The following TXNDC11 variants were observed in gnomAD, a reference collection of about 807,000 sequenced individuals.
TXNDC11 encodes thioredoxin domain containing 11.
Under a neutral mutation model 78.0 loss-of-function variants are expected in TXNDC11, and 68 were observed. That is an observed-to-expected ratio of 0.87 (90% CI 0.72 to 1.07). The LOEUF (loss-of-function observed/expected upper bound fraction) is 1.07, where lower values mean the gene tolerates loss of function less well. Ranked by LOEUF, TXNDC11 falls within the 50% of genes least tolerant of loss-of-function variation. The probability of loss-of-function intolerance (pLI) is 0.00; values close to 1 mark genes in which losing one functional copy is unlikely to be tolerated. For synonymous variants in TXNDC11, 571 were observed against 495.2 expected (o/e 1.15, Z -2.03); for missense variants, 1,389 against 1,221.8 (o/e 1.14, Z -2.04).
intron 7 of TXNDC11, among the ~76,000 whole-genome samples, chr16:11,693,018 G>C (rs940520901): frequency 6.6e-6 from 1 of 152,152 alleles, no homozygotes; most frequent in Non-Finnish European, 1.5e-5. Context: ...GTGTCCCTGA[G>C]ACCCCTTCTA....
At chr16:11,701,635 T>C (rs1423243131) in intron 5 of TXNDC11, among the ~76,000 whole-genome samples, 1 of 151,918 alleles carries the variant, frequency 6.6e-6, no homozygotes, top group East Asian at 1.9e-4. Context: ...GAAAAGGAAA[T>C]ATGTATACAT....
rs962891016 is a variant in TXNDC11, at chr16:11,718,489, C to CT, written c.793+3087dup. ...CCTAGAATTTAATTTGAAACTGTATCTTTTTTTTTTAAATGTGCATGTGTT... is the reference window on the plus strand; with the variant it reads ...CCTAGAATTTAATTTGAAACTGTATCTTTTTTTTTTTAAATGTGCATGTGTT... On this transcript the variant is annotated intron_variant, in intron 5 of 11. Coordinates refer to ENST00000283033, the MANE Select transcript of TXNDC11 (RefSeq NM_015914.7). Among the ~76,000 whole-genome samples the CT allele has an allele frequency of 8.3e-4, 124 of 149,540 alleles. 1 individual carries two copies. In the East Asian group the frequency reaches 0.018, roughly 22 times the overall value.
chr16:11,738,342 A>G lies in TXNDC11; in HGVS notation c.255-2109T>C, dbSNP rs74585414. Among the ~76,000 whole-genome samples the G allele has an allele frequency of 5.3e-5, 8 of 152,370 alleles. No individual in the cohort carries two copies. The East Asian group carries it at 1.3e-3, about 26-fold the overall frequency. On this transcript the variant is annotated intron_variant, in intron 1 of 11. Transcript: ENST00000283033. ...CAGAATGCCTTCATAACCTGAAAAA[A>G]TCACTTACACAATTATTCAAAAATT...
At chr16:11,710,028 A>T (rs2051301130) in intron 5 of TXNDC11, among the ~76,000 whole-genome samples, 1 of 152,146 alleles carries the variant, frequency 6.6e-6, no homozygotes, top group Non-Finnish European at 1.5e-5. Context: ...CTGTAATCCC[A>T]GCTACTCGGG....
chr16:11,691,397 C>A lies in TXNDC11; in HGVS notation c.1793G>T (p.Gly598Val), dbSNP rs1239386675. The stretch of plus-strand genomic sequence containing the variant: ...TTTCACCTGAGTGGAGCTCGGAGCA[C>A]CCAGTCTCTCTGCATATAACCAAAA... ...NLFWLYAERL[G>V]APSSTQVKEF... Residue 598 changes from glycine to valine, a missense_variant, in exon 8 of 12, where the codon GGT (glycine) becomes GTT (valine). Transcript: ENST00000283033. The A allele has an allele frequency of 6.2e-7, 1 of 1,614,190 alleles. No homozygotes were observed. Among genetic ancestry groups the A allele is most frequent in the Admixed American group, 1.7e-5 (1 of 60,032 alleles).
rs149933607 is a variant in TXNDC11 at position 11,710,126 on chromosome 16, G to C, written c.794-9562C>G. Among the ~76,000 whole-genome samples, 17 of 152,060 alleles carry C rather than the reference G, an allele frequency of 1.1e-4. No homozygotes were observed. The East Asian group carries it at 2.9e-3, about 26-fold the overall frequency. ...CCACTGCACTCTAGACTCAGTGACA[G>C]AGCAAGACTCCATCTCAAAAGAAAA... On this transcript the variant is annotated intron_variant, in intron 5 of 11. Coordinates refer to ENST00000283033, the MANE Select transcript of TXNDC11 (RefSeq NM_015914.7).
intron 5 of TXNDC11, among the ~76,000 whole-genome samples, chr16:11,712,522 A>C (rs1054211201): frequency 1.3e-5 from 2 of 152,158 alleles, no homozygotes; most frequent in African/African-American, 4.8e-5. Flanking sequence ...AATGAGATAC[A>C]TTCATCATTA....
In TXNDC11 at chr16:11,679,676, T is replaced by G; in HGVS notation, c.2396A>C (p.His799Pro). The G allele has an allele frequency of 1.2e-6, 2 of 1,614,206 alleles. No homozygotes were observed. Among genetic ancestry groups the G allele is most frequent in the Non-Finnish European group, 1.7e-6 (2 of 1,180,040 alleles). The change falls in exon 12 of 12, where the codon CAC (histidine) becomes CCC (proline). Residue 799 changes from histidine to proline, a missense_variant. Transcript: ENST00000283033. The surrounding 1 kb of genome is among the most constrained non-coding windows in gnomAD (Gnocchi z 4.6). The stretch of plus-strand genomic sequence containing the variant: ...GATCTCTCTCTCCAAGTGGGAGATG[T>G]GCCCCCGCTGTAAGACTGCCTCGCT... ...LQSEAVLQRG[H>P]ISHLEREIQK...
chr16:11,693,338 G>C, intron 7 of TXNDC11, among the ~76,000 whole-genome samples: 1 of 152,146 alleles, frequency 6.6e-6, no homozygotes, highest in East Asian at 1.9e-4. Context: ...GGTTTCCTGA[G>C]AAAGACATGT....
chr16:11,706,811 A>G (rs2051194068), intron 5 of TXNDC11, among the ~76,000 whole-genome samples: 1 of 152,172 alleles, frequency 6.6e-6, no homozygotes, highest in East Asian at 1.9e-4. Flanking sequence ...TTTGGATAAA[A>G]GCTTTTTGGT....
chr16:11,713,147 C>A (rs955047691), intron 5 of TXNDC11, among the ~76,000 whole-genome samples: 1 of 145,076 alleles, frequency 6.9e-6, no homozygotes, highest in Non-Finnish European at 1.5e-5. Flanking sequence ...GGTTGCCAGG[C>A]GTGGTGGTGC....
chr16:11,736,628 T>A (rs1011161352), intron 1 of TXNDC11, among the ~76,000 whole-genome samples: 2 of 152,212 alleles, frequency 1.3e-5, no homozygotes, highest in Non-Finnish European at 2.9e-5. Context: ...AGGGAGCATG[T>A]AAACTACCAT....
chr16:11,709,685 T>C (rs1173065868), intron 5 of TXNDC11, among the ~76,000 whole-genome samples: 1 of 151,966 alleles, frequency 6.6e-6, no homozygotes, highest in Non-Finnish European at 1.5e-5. Flanking sequence ...TCCGCCCGCC[T>C]CGGCCTCCCA....
At chr16:11,689,617 A>G (rs2141983172) in intron 8 of TXNDC11, among the ~76,000 whole-genome samples, 1 of 152,338 alleles carries the variant, frequency 6.6e-6, no homozygotes, top group African/African-American at 2.4e-5. Flanking sequence ...AGAAGATGGA[A>G]AGAAATCTAA....
At chr16:11,726,360 A>C (rs563836379) in intron 4 of TXNDC11, among the ~76,000 whole-genome samples, 1 of 152,210 alleles carries the variant, frequency 6.6e-6, no homozygotes, top group Non-Finnish European at 1.5e-5. Context: ...AGGCAGGCAG[A>C]TCACGAGGTC....
In TXNDC11 at chr16:11,730,651, G is replaced by C. The variant is rs374133058; in HGVS notation, c.693C>G (p.Asn231Lys). The C allele has an allele frequency of 1.9e-6, 3 of 1,613,510 alleles. No homozygotes were observed. The African/African-American group carries it at 4.0e-5, about 22-fold the overall frequency. The change falls in exon 4 of 12, where the codon AAC (asparagine) becomes AAG (lysine). Residue 231 changes from asparagine (N) to lysine (K), a missense_variant. Asn to Lys is a moderately conservative substitution (Grantham distance 94, BLOSUM62 0). Transcript: ENST00000283033. ...AGATATGAAAGACAAGTACCTCGTA[G>C]TTTGAGAGAAAATCTAGTAATTCTG... ...SQSELLDFLS[N>K]YEPGVLGYFE...
At chr16:11,703,824 G>T in intron 5 of TXNDC11, 1 of 673,794 alleles carries the variant, frequency 1.5e-6, no homozygotes, top group Non-Finnish European at 2.7e-6. Context: ...GGGCATGGTG[G>T]CTCACGCCTG....
Position 11,736,087 on chromosome 16 carries a change from G to A in TXNDC11, c.401C>T (p.Ala134Val). The change falls in exon 2 of 12, where the codon GCC (alanine) becomes GTC (valine). Residue 134 changes from alanine (A) to valine (V), a missense_variant. Physicochemically the swap from Ala to Val is moderately conservative, Grantham distance 64. Coordinates refer to ENST00000283033, the MANE Select transcript of TXNDC11 (RefSeq NM_015914.7). Reference sequence around the variant, plus strand: ...AGCGATGGACTGTCCACACCAAGGGGCATAGAAGAAGAGCAGTACCACCTC... The same window carrying A: ...AGCGATGGACTGTCCACACCAAGGGACATAGAAGAAGAGCAGTACCACCTC... Reference protein sequence around the residue: ...DSEVVLLFFYAPWCGQSIAAR... With the variant: ...DSEVVLLFFYVPWCGQSIAAR... The A allele has an allele frequency of 6.2e-7, 1 of 1,614,190 alleles. No individual in the cohort carries two copies. The highest frequency in any genetic ancestry group is 1.1e-5 in the South Asian group (1 of 91,090).
chr16:11,687,059 G>A (rs1237352306), intron 10 of TXNDC11, among the ~76,000 whole-genome samples: 1 of 152,126 alleles, frequency 6.6e-6, no homozygotes, highest in Non-Finnish European at 1.5e-5. Context: ...TATAACAGGT[G>A]ACACAGAGAC....
Sources: allele counts gnomAD v4.1 joint callset (sites outside exome capture counted in the v4.1 genomes callset), GRCh38; gene constraint gnomAD v4.1.1; non-coding constraint Gnocchi (gnomAD v3.1); transcripts MANE v1.5; gene names NCBI Gene and HGNC (gene_info 2026-07-23, HGNC 2026-07-21).